The following IL1RAPL2 variants were observed in gnomAD, a reference collection of about 807,000 sequenced individuals.
The protein encoded by IL1RAPL2 is interleukin 1 receptor accessory protein like 2, also known as X-linked interleukin-1 receptor accessory protein-like 2.
In IL1RAPL2, 3 loss-of-function variants were observed where a neutral mutation model predicts 44.1. That is an observed-to-expected ratio of 0.07 (90% confidence interval 0.03 to 0.18). IL1RAPL2 has a LOEUF of 0.18. Ranked by LOEUF, IL1RAPL2 falls within the 10% of genes least tolerant of loss-of-function variation. IL1RAPL2 has a pLI of 1.00. For missense variants in IL1RAPL2, 391 were observed against 496.4 expected (o/e 0.79, Z 2.02); for synonymous variants, 181 against 178.8 (o/e 1.01, Z -0.10).
intron 2 of IL1RAPL2, among the ~76,000 whole-genome samples, chrX:105,185,865 C>T (rs1487843440): frequency 8.9e-6 from 1 of 111,985 alleles, no homozygotes; most frequent in East Asian, 2.8e-4. Context: ...TCCACTAGCC[C>T]TTAATTATGT....
At chrX:105,637,431 C>T (rs1407201146) in intron 6 of IL1RAPL2, among the ~76,000 whole-genome samples, 1 of 110,690 alleles carries the variant, frequency 9.0e-6, no homozygotes, top group Non-Finnish European at 1.9e-5. Flanking sequence ...GGAATAGTCA[C>T]TCTAGGAAAT....
intron 2 of IL1RAPL2, among the ~76,000 whole-genome samples, chrX:104,825,306 A>G (rs1016049296): frequency 8.9e-6 from 1 of 112,043 alleles, no homozygotes; most frequent in African/African-American, 3.2e-5. Flanking sequence ...GAGGCCGCTA[A>G]CAGTGCAGCC....
chrX:104,680,186 A>G (rs1166295803), intron 2 of IL1RAPL2, among the ~76,000 whole-genome samples: 2 of 111,586 alleles, frequency 1.8e-5, no homozygotes, highest in Non-Finnish European at 3.8e-5. Flanking sequence ...TTTACTTTGG[A>G]ATGCCTTTAA....
chrX:104,951,159 G>A (rs938678869), intron 2 of IL1RAPL2, among the ~76,000 whole-genome samples: 5 of 112,173 alleles, frequency 4.5e-5, no homozygotes, highest in African/African-American at 1.6e-4. Flanking sequence ...CACGCTGGGA[G>A]CTGTAGACCG....
intron 6 of IL1RAPL2, among the ~76,000 whole-genome samples, chrX:105,576,545 CA>C (rs1317352588): frequency 3.6e-5 from 4 of 111,383 alleles, no homozygotes; most frequent in Non-Finnish European, 7.5e-5. Flanking sequence ...AGCACATCCC[CA>C]TACTGGTCAC....
intron 2 of IL1RAPL2, among the ~76,000 whole-genome samples, chrX:104,769,501 T>C (rs1468642018): frequency 8.9e-6 from 1 of 112,304 alleles, no homozygotes; most frequent in Non-Finnish European, 1.9e-5. Flanking sequence ...TGTAAAAGAA[T>C]ATAGTAAATT....
intron 4 of IL1RAPL2, among the ~76,000 whole-genome samples, chrX:105,266,192 A>G (rs1333819947): frequency 4.6e-5 from 5 of 109,682 alleles, no homozygotes; most frequent in African/African-American, 1.3e-4. Context: ...CAGGCACATG[A>G]CACCACGCCC....
intron 2 of IL1RAPL2, among the ~76,000 whole-genome samples, chrX:105,049,514 A>C (rs2031890098): frequency 9.0e-6 from 1 of 111,069 alleles, no homozygotes; most frequent in South Asian, 3.8e-4. Context: ...GTCTTTTAAA[A>C]GGTCTGCTGC....
intron 3 of IL1RAPL2, among the ~76,000 whole-genome samples, chrX:105,205,254 T>A (rs1413239177): frequency 2.7e-5 from 3 of 109,509 alleles, no homozygotes; most frequent in African/African-American, 6.7e-5. Context: ...GTGAATGCCA[T>A]GTGTAAAGGT....
At chrX:105,024,846 GTTAAC>G (rs2031340140) in intron 2 of IL1RAPL2, among the ~76,000 whole-genome samples, 1 of 110,933 alleles carries the variant, frequency 9.0e-6, no homozygotes, top group African/African-American at 3.3e-5. Flanking sequence ...TTATCTTTCT[GTTAAC>G]TTCTTTCCAA....
chrX:105,767,290 C>T lies in IL1RAPL2; in HGVS notation c.1690C>T (p.Leu564=). 1 of 1,211,103 alleles carries T rather than the reference C, an allele frequency of 8.3e-7. No homozygotes were observed. The highest frequency in any genetic ancestry group is 3.0e-5 in the East Asian group (1 of 33,829). ...AATGCCCATCAAGAAAAAAGAAATG[C>T]TACCTCGGTGCCATGTTCTGGACTC... ...YEMPIKKKEM[L]PRCHVLDSAE... The change falls in exon 11 of 11, where the codon CTA becomes TTA. Residue 564 remains leucine, a synonymous_variant. Coordinates refer to ENST00000372582, the MANE Select transcript of IL1RAPL2 (RefSeq NM_017416.2).
chrX:105,656,797 C>G (rs755155118), intron 6 of IL1RAPL2, among the ~76,000 whole-genome samples: 10 of 111,699 alleles, frequency 9.0e-5, no homozygotes, highest in Non-Finnish European at 1.7e-4. Context: ...TCCTCTGTCT[C>G]TCAAATCAAG....
rs782568702 is a variant in IL1RAPL2 at position 105,184,667 on chromosome X, C to T, written c.83-10808C>T. 1.7e-4 allele frequency among the ~76,000 whole-genome samples: 19 copies of T among 108,620 alleles called. No individual in the cohort carries two copies. In the South Asian group the frequency reaches 7.0e-3, roughly 40 times the overall value. 94.3% of individuals were successfully genotyped at this position (108,620 alleles called of 115,157 possible). A position where few individuals can be genotyped will look rare whatever the true frequency, so the allele number is the denominator to read the frequency against. On this transcript the variant is annotated intron_variant, in intron 2 of 10. Coordinates refer to ENST00000372582, the MANE Select transcript of IL1RAPL2 (RefSeq NM_017416.2). ...ACTGTATACTATACATGTATTATTT[C>T]GTAGTATTATGTAAAATGAATATGT...
chrX:105,435,880 C>T (rs183760471), intron 5 of IL1RAPL2, among the ~76,000 whole-genome samples: 11 of 110,391 alleles, frequency 1.0e-4, no homozygotes, highest in African/African-American at 1.3e-4. Flanking sequence ...CAACACATAC[C>T]GGGGCCTGTC....
intron 6 of IL1RAPL2, among the ~76,000 whole-genome samples, chrX:105,542,835 G>A (rs1351034285): frequency 2.8e-5 from 3 of 107,237 alleles, no homozygotes; most frequent in Admixed American, 1.0e-4. Flanking sequence ...CCGGGTTCAC[G>A]CCATAAAATA....
chrX:104,577,219 G>A (rs1408548003), intron 1 of IL1RAPL2, among the ~76,000 whole-genome samples: 1 of 112,250 alleles, frequency 8.9e-6, no homozygotes. Flanking sequence ...TCTCTGGGAA[G>A]TAGCAGTAGT....
intron 2 of IL1RAPL2, among the ~76,000 whole-genome samples, chrX:104,939,352 G>A (rs1925106546): frequency 9.0e-6 from 1 of 111,591 alleles, no homozygotes; most frequent in Admixed American, 9.5e-5. Flanking sequence ...CCACCACGCT[G>A]GGCCACATGT....
At chrX:104,674,514 G>A (rs1291308887) in intron 2 of IL1RAPL2, among the ~76,000 whole-genome samples, 3 of 111,805 alleles carry the variant, frequency 2.7e-5, no homozygotes, top group Non-Finnish European at 5.6e-5. Flanking sequence ...TTTTATTGAG[G>A]ATTTTTGCTT....
At chrX:105,119,656 G>T (rs1188402076) in intron 2 of IL1RAPL2, among the ~76,000 whole-genome samples, 1 of 111,273 alleles carries the variant, frequency 9.0e-6, no homozygotes, top group Non-Finnish European at 1.9e-5. Flanking sequence ...AAGAAAATTG[G>T]ATTGGCTTTT....
Sources: allele counts gnomAD v4.1 joint callset (sites outside exome capture counted in the v4.1 genomes callset), GRCh38; gene constraint gnomAD v4.1.1; transcripts MANE v1.5; gene names NCBI Gene and HGNC (gene_info 2026-07-23, HGNC 2026-07-21).